The following CNIH3 variants were observed in gnomAD, a reference collection of about 807,000 sequenced individuals.
CNIH3 encodes the protein cornichon family AMPA receptor auxiliary protein 3.
Under a neutral mutation model 24.1 loss-of-function variants are expected in CNIH3, and 14 were observed. That is an observed-to-expected ratio of 0.58 (90% CI 0.38 to 0.91). CNIH3 has a LOEUF of 0.91. CNIH3 is among the 40% of genes least tolerant of loss of function. The probability of loss-of-function intolerance (pLI) is 0.00; values close to 1 mark genes in which losing one functional copy is unlikely to be tolerated. For missense variants in CNIH3, 178 were observed against 196.8 expected (o/e 0.90, Z 0.57); for synonymous variants, 68 against 73.8 (o/e 0.92, Z 0.40).
intron 1 of CNIH3, among the ~76,000 whole-genome samples, chr1:224,444,737 C>T (rs1052832071): frequency 2.6e-5 from 4 of 151,656 alleles, no homozygotes; most frequent in Non-Finnish European, 4.4e-5. Context: ...CTTCGACTCC[C>T]GGGTTCAAGC....
chr1:224,687,352 C>A (rs1403379939), intron 3 of CNIH3, among the ~76,000 whole-genome samples: 1 of 152,186 alleles, frequency 6.6e-6, no homozygotes, highest in Non-Finnish European at 1.5e-5. Flanking sequence ...CCCACCTTAG[C>A]CTCCTGAGTA....
intron 1 of CNIH3, among the ~76,000 whole-genome samples, chr1:224,623,333 C>A (rs573278761): frequency 6.6e-6 from 1 of 152,314 alleles, no homozygotes; most frequent in South Asian, 2.1e-4. Flanking sequence ...ACTGCTGCGT[C>A]CTCTGTTTCC....
chr1:224,734,310 C>T (rs967952173), intron 4 of CNIH3, among the ~76,000 whole-genome samples: 13 of 152,228 alleles, frequency 8.5e-5, no homozygotes, highest in Non-Finnish European at 1.6e-4. Flanking sequence ...CACATTTCCC[C>T]TTCTGTTGGA....
At position 224,639,031 on chromosome 1, in the gene CNIH3, C is replaced by G. The variant is rs145815022; in HGVS notation, c.81+21776C>G. Among the ~76,000 whole-genome samples, 897 of 152,286 alleles carry G rather than the reference C, an allele frequency of 5.9e-3. 14 individuals carry two copies. The highest frequency in any genetic ancestry group is 0.02 in the African/African-American group (845 of 41,556). On this transcript the variant is annotated intron_variant, in intron 1 of 5. Transcript: ENST00000272133. Reference sequence around the variant, plus strand: ...TGTATCTCTTGCTGTGGAAAGTGAGCCTTTCTGTTTTGCTCAGGAAATGTA... The same window carrying G: ...TGTATCTCTTGCTGTGGAAAGTGAGGCTTTCTGTTTTGCTCAGGAAATGTA...
intron 1 of CNIH3, among the ~76,000 whole-genome samples, chr1:224,455,729 G>GATAATGGAGGAAA (rs1474536037): frequency 3.3e-5 from 5 of 152,166 alleles, no homozygotes; most frequent in Admixed American, 3.3e-4. Flanking sequence ...TGTGTTATAA[G>GATAATGGAGGAAA]ATAATGGAGG....
intron 3 of CNIH3, among the ~76,000 whole-genome samples, chr1:224,549,226 G>C (rs1197364015): frequency 6.6e-6 from 1 of 151,960 alleles, no homozygotes; most frequent in African/African-American, 2.4e-5. Flanking sequence ...GGATGTTATG[G>C]AAATATCAGA....
chr1:224,592,290 G>C (rs1213765848), downstream of CNIH3, among the ~76,000 whole-genome samples: 1 of 152,142 alleles, frequency 6.6e-6, no homozygotes. Context: ...CTGAGATTCT[G>C]GTCGAGCTTA....
chr1:224,441,557 C>A (rs563159288), intron 1 of CNIH3, among the ~76,000 whole-genome samples: 1 of 152,336 alleles, frequency 6.6e-6, no homozygotes, highest in Middle Eastern at 3.4e-3. Context: ...TGTTGTTCAT[C>A]CCTCTGACAT....
intron 3 of CNIH3, among the ~76,000 whole-genome samples, chr1:224,698,949 A>G (rs1687326788): frequency 6.6e-6 from 1 of 151,892 alleles, no homozygotes; most frequent in South Asian, 2.1e-4. Flanking sequence ...ACTTGTTCTT[A>G]CCACACTGCT....
At chr1:224,717,139 C>T (rs933571907) in intron 3 of CNIH3, among the ~76,000 whole-genome samples, 6 of 152,180 alleles carry the variant, frequency 3.9e-5, no homozygotes, top group African/African-American at 1.4e-4. Flanking sequence ...TGTGTGCATG[C>T]ACACGTGTGC....
At chr1:224,660,964 T>C (rs1685325007) in intron 1 of CNIH3, among the ~76,000 whole-genome samples, 1 of 152,202 alleles carries the variant, frequency 6.6e-6, no homozygotes, top group Non-Finnish European at 1.5e-5. Context: ...TTTACATCAA[T>C]TTTTAAAACA....
At chr1:224,487,564 T>A (rs1677075763) in intron 1 of CNIH3, among the ~76,000 whole-genome samples, 1 of 152,226 alleles carries the variant, frequency 6.6e-6, no homozygotes, top group Non-Finnish European at 1.5e-5. Flanking sequence ...TATGTCATAG[T>A]TACAGCTATC....
At chr1:224,490,217 G>GA (rs1558103321) in intron 1 of CNIH3, among the ~76,000 whole-genome samples, 3 of 152,328 alleles carry the variant, frequency 2.0e-5, no homozygotes, top group African/African-American at 7.2e-5. Context: ...GTTTATGGTG[G>GA]AAAACCGGTG....
chr1:224,571,396 A>C (rs1680809837), intron 4 of CNIH3, among the ~76,000 whole-genome samples: 1 of 152,118 alleles, frequency 6.6e-6, no homozygotes, highest in Admixed American at 6.5e-5. Context: ...GCAGTTTTTA[A>C]TTACTTAAAG....
chr1:224,600,232 C>T (rs892983328), intron 3 of CNIH3, among the ~76,000 whole-genome samples: 6 of 150,980 alleles, frequency 4.0e-5, no homozygotes, highest in African/African-American at 1.5e-4. Context: ...TCTTGTTGCC[C>T]AGGCTGGAAT....
At chr1:224,658,340 A>G (rs951316889) in intron 1 of CNIH3, among the ~76,000 whole-genome samples, 1 of 145,966 alleles carries the variant, frequency 6.9e-6, no homozygotes, top group Non-Finnish European at 1.5e-5. Context: ...TAATTTTTAT[A>G]TTTTTTTTTT....
intron 1 of CNIH3, among the ~76,000 whole-genome samples, chr1:224,438,473 A>G (rs1306944497): frequency 3.3e-5 from 5 of 152,256 alleles, no homozygotes; most frequent in Non-Finnish European, 7.3e-5. Flanking sequence ...CTTTGTAACT[A>G]GTAGAGACTG....
At chr1:224,687,594 T>C (rs1686723302) in intron 3 of CNIH3, among the ~76,000 whole-genome samples, 1 of 152,140 alleles carries the variant, frequency 6.6e-6, no homozygotes, top group African/African-American at 2.4e-5. Context: ...CCTAAGCACA[T>C]CTACTTTTAA....
At chr1:224,581,457 T>C (rs1160267301) in intron 4 of CNIH3, among the ~76,000 whole-genome samples, 4 of 152,222 alleles carry the variant, frequency 2.6e-5, no homozygotes, top group Admixed American at 2.0e-4. Context: ...AGGTTTCTAC[T>C]ATGTCTTGAT....
Sources: allele counts gnomAD v4.1 joint callset (sites outside exome capture counted in the v4.1 genomes callset), GRCh38; gene constraint gnomAD v4.1.1; transcripts MANE v1.5; gene names NCBI Gene and HGNC (gene_info 2026-07-23, HGNC 2026-07-21).